The following KCNMB2 variants were observed in gnomAD, a reference collection of about 807,000 sequenced individuals.
The protein encoded by KCNMB2 is calcium-activated potassium channel subunit beta-2.
A neutral mutation model predicts 24.5 loss-of-function variants in KCNMB2; 9 were observed. The ratio of observed to expected loss-of-function variants is 0.37; its 90% CI spans 0.22 to 0.64. The LOEUF (loss-of-function observed/expected upper bound fraction) is 0.64. KCNMB2 is among the 30% of genes least tolerant of loss of function. KCNMB2 has a pLI of 0.63. For missense variants in KCNMB2, 226 were observed against 284.3 expected, an observed-to-expected ratio of 0.79 and a Z score of 1.47; for synonymous variants, 109 against 104.4, an observed-to-expected ratio of 1.04 and a Z score of -0.27.
intron 1 of KCNMB2, among the ~76,000 whole-genome samples, chr3:178,582,509 A>G (rs1266132333): frequency 1.3e-5 from 2 of 152,064 alleles, no homozygotes; most frequent in Non-Finnish European, 2.9e-5. Context: ...TAGAGTATAG[A>G]AAAATAGAAA....
intron 1 of KCNMB2, among the ~76,000 whole-genome samples, chr3:178,750,672 G>A (rs751009750): frequency 3.9e-5 from 6 of 152,122 alleles, no homozygotes; most frequent in African/African-American, 9.7e-5. Flanking sequence ...TTTTGCACCC[G>A]CATGGGCACA....
At chr3:178,708,271 A>G (rs1722342662) in intron 1 of KCNMB2, among the ~76,000 whole-genome samples, 1 of 152,118 alleles carries the variant, frequency 6.6e-6, no homozygotes, top group Non-Finnish European at 1.5e-5. Flanking sequence ...AACAGGGACC[A>G]TGGTTTATTC....
At chr3:178,640,899 C>T (rs1360517297) in intron 1 of KCNMB2, among the ~76,000 whole-genome samples, 1 of 151,934 alleles carries the variant, frequency 6.6e-6, no homozygotes, top group Non-Finnish European at 1.5e-5. Context: ...TGTCTAGGTT[C>T]TTCTTTTTTG....
intron 1 of KCNMB2, among the ~76,000 whole-genome samples, chr3:178,744,786 C>T (rs993533541): frequency 6.6e-6 from 1 of 152,114 alleles, no homozygotes; most frequent in Non-Finnish European, 1.5e-5. Context: ...GCCATAAATC[C>T]CCACAGCCTG....
intron 1 of KCNMB2, among the ~76,000 whole-genome samples, chr3:178,702,471 A>T (rs1267736326): frequency 6.6e-6 from 1 of 151,438 alleles, no homozygotes. Context: ...AATACATAAA[A>T]ATAAATAAAT....
chr3:178,606,725 A>C lies in KCNMB2; in HGVS notation c.-68+70014A>C, dbSNP rs572940082. Among the ~76,000 whole-genome samples, 5 of 152,218 alleles carry C rather than the reference A, an allele frequency of 3.3e-5. No individual in the cohort carries two copies. The South Asian group carries it at 1.0e-3, about 32-fold the overall frequency. On this transcript the variant is annotated intron_variant, in intron 1 of 4. Transcript: ENST00000452583. Reference sequence around the variant, plus strand: ...TAGATTGAATGTTTGCATCCCCCCCACCAAATTCATAAGTTAAAATCCTCA... The same window carrying C: ...TAGATTGAATGTTTGCATCCCCCCCCCCAAATTCATAAGTTAAAATCCTCA...
intron 1 of KCNMB2, among the ~76,000 whole-genome samples, chr3:178,553,423 AACCACTCAAATGCAAGAAAT>A (rs1188109378): frequency 1.3e-5 from 2 of 152,222 alleles, no homozygotes; most frequent in Non-Finnish European, 2.9e-5. Flanking sequence ...GGCATGGACA[AACCACTCAAATGCAAGAAAT>A]GATGGGAATT....
rs372176411 is a variant in KCNMB2, at chr3:178,566,244, G to A, written c.-68+29533G>A. On this transcript the variant is annotated intron_variant, in intron 1 of 4. Coordinates refer to ENST00000452583, the MANE Select transcript of KCNMB2 (RefSeq NM_181361.3). ...TATAATATTAGTCCAACTTTTTCCG[G>A]CCTATTAATAAATAAGGTAAAACCA... is the stretch of plus-strand genomic sequence containing the variant. Among the ~76,000 whole-genome samples, 49 of 152,198 alleles carry A rather than the reference G, an allele frequency of 3.2e-4. No homozygotes were observed. In the South Asian group the frequency reaches 1.0e-2, roughly 31 times the overall value.
rs1721655562 is a variant in KCNMB2, at chr3:178,691,105, G to GTCTTTTTTTTTTTTTTTTTT, written c.-67-116236_-67-116217dup. On this transcript the variant is annotated intron_variant, in intron 1 of 4. Transcript: ENST00000452583. ...GGTGTACAGCATAATTCCCCATTAA[G>GTCTTTTTTTTTTTTTTTTTT]TCTTTTTTTTTTTTTTTTTTTTGAT... is the stretch of plus-strand genomic sequence containing the variant. Among the ~76,000 whole-genome samples the GTCTTTTTTTTTTTTTTTTTT allele has an allele frequency of 6.1e-5, 2 of 32,960 alleles. 1 individual carries two copies. The highest frequency in any genetic ancestry group is 4.7e-4 in the African/African-American group (2 of 4,260). 21.6% of individuals were successfully genotyped at this position (32,960 alleles called of 152,430 possible). A position where few individuals can be genotyped will look rare whatever the true frequency, so the allele number is the denominator to read the frequency against.
intron 1 of KCNMB2, among the ~76,000 whole-genome samples, chr3:178,636,957 G>T (rs1719548371): frequency 6.6e-6 from 1 of 152,076 alleles, no homozygotes; most frequent in Admixed American, 6.6e-5. Context: ...GTGGTGTTTG[G>T]TTTTCAGTTC....
At chr3:178,639,196 T>C (rs1429809244) in intron 1 of KCNMB2, among the ~76,000 whole-genome samples, 1 of 152,222 alleles carries the variant, frequency 6.6e-6, no homozygotes, top group Non-Finnish European at 1.5e-5. Context: ...ATACACCTTG[T>C]AATGTATTAA....
At chr3:178,629,614 T>C (rs2035177) in intron 1 of KCNMB2, among the ~76,000 whole-genome samples, 105,053 of 152,108 alleles carry the variant, frequency 0.69, 36,880 homozygotes, top group African/African-American at 0.84. Flanking sequence ...TATTTTGTTA[T>C]GTAATAGTTA....
At chr3:178,634,334 G>T (rs917093287) in intron 1 of KCNMB2, among the ~76,000 whole-genome samples, 4 of 152,132 alleles carry the variant, frequency 2.6e-5, no homozygotes, top group Non-Finnish European at 4.4e-5. Flanking sequence ...ACCTGAGACT[G>T]GGTAATTTAT....
intron 1 of KCNMB2, among the ~76,000 whole-genome samples, chr3:178,541,749 A>G (rs1337503806): frequency 6.6e-6 from 1 of 152,208 alleles, no homozygotes; most frequent in Non-Finnish European, 1.5e-5. Context: ...TTTCTACTTC[A>G]TGTTGTTAGA....
At chr3:178,817,084 T>C (rs1422388904) in intron 2 of KCNMB2, among the ~76,000 whole-genome samples, 1 of 151,928 alleles carries the variant, frequency 6.6e-6, no homozygotes. Context: ...TTCCATAATT[T>C]TGTTCTCACT....
intron 1 of KCNMB2, among the ~76,000 whole-genome samples, chr3:178,577,447 C>A (rs962481481): frequency 1.3e-5 from 2 of 152,064 alleles, no homozygotes; most frequent in Non-Finnish European, 2.9e-5. Flanking sequence ...TTCCAAAAAC[C>A]AGAACGTCTC....
At chr3:178,654,513 T>C (rs904473304) in intron 1 of KCNMB2, among the ~76,000 whole-genome samples, 1 of 152,150 alleles carries the variant, frequency 6.6e-6, no homozygotes, top group African/African-American at 2.4e-5. Flanking sequence ...ATAAAATTAA[T>C]GGCAAAAATG....
At chr3:178,575,465 T>G (rs1034088087) in intron 1 of KCNMB2, among the ~76,000 whole-genome samples, 11 of 152,194 alleles carry the variant, frequency 7.2e-5, no homozygotes, top group African/African-American at 2.4e-4. Context: ...CTTCCAAACA[T>G]GTAGAAGCAC....
chr3:178,839,806 C>T (rs142858230), intron 4 of KCNMB2, among the ~76,000 whole-genome samples: 3 of 152,264 alleles, frequency 2.0e-5, no homozygotes, highest in Non-Finnish European at 2.9e-5. Flanking sequence ...TTCCCTGACA[C>T]GTGGAAATTA....
Sources: gnomAD v4.1 joint callset for allele counts (sites outside exome capture counted in the v4.1 genomes callset) on GRCh38, gnomAD v4.1.1 for gene constraint, MANE v1.5 for transcripts, NCBI Gene and HGNC (gene_info 2026-07-23, HGNC 2026-07-21) for gene names.